GPR155: variants seen among roughly 807,000 people sequenced by gnomAD.
The protein encoded by GPR155 is G protein-coupled receptor 155.
GPR155 carries 65 observed loss-of-function variants against 93.1 expected under a neutral mutation model. The observed-to-expected ratio is 0.70, with a 90% confidence interval of 0.57 to 0.86. The LOEUF (loss-of-function observed/expected upper bound fraction) is 0.86. Ranked by LOEUF, GPR155 falls within the 40% of genes least tolerant of loss-of-function variation. GPR155 has a pLI of 0.00. For synonymous variants in GPR155, 319 were observed against 360.1 expected, an observed-to-expected ratio of 0.89 and a Z score of 1.29; for missense variants, 838 against 1,034.8, an observed-to-expected ratio of 0.81 and a Z score of 2.61.
chr2:174,448,767 GA>G (rs1687231642), intron 11 of GPR155, among the ~76,000 whole-genome samples: 1 of 151,742 alleles, frequency 6.6e-6, no homozygotes, highest in Non-Finnish European at 1.5e-5. Flanking sequence ...TCGATCTCCT[GA>G]CCTCATGATC....
chr2:174,444,079 A>ATT, intron 13 of GPR155, among the ~76,000 whole-genome samples: 1 of 152,304 alleles, frequency 6.6e-6, no homozygotes, highest in South Asian at 2.1e-4. Flanking sequence ...TTAAGTATCT[A>ATT]TTGTTCAAGA....
chr2:174,440,537 G>A (rs6716798), intron 14 of GPR155, among the ~76,000 whole-genome samples: 10,350 of 152,132 alleles, frequency 0.068, 1,140 homozygotes, highest in African/African-American at 0.23. Flanking sequence ...AACAAATGAA[G>A]CTGATAACTA....
chr2:174,469,637 G>A lies in GPR155; in HGVS notation c.1027-570C>T, dbSNP rs1286132579. Among the ~76,000 whole-genome samples, 3 of 152,038 alleles carry A rather than the reference G, an allele frequency of 2.0e-5. No individual in the cohort carries two copies. In the East Asian group the frequency reaches 5.8e-4, roughly 29 times the overall value. Reference sequence around the variant, plus strand: ...GTTATTATGCAGTATTTTGCATCTGGTGCTTGAAATTATCAATGATAAAAT... The same window carrying A: ...GTTATTATGCAGTATTTTGCATCTGATGCTTGAAATTATCAATGATAAAAT... On this transcript the variant is annotated intron_variant, in intron 4 of 15. Coordinates refer to ENST00000392552, the MANE Select transcript of GPR155 (RefSeq NM_152529.7).
intron 13 of GPR155, among the ~76,000 whole-genome samples, chr2:174,444,209 G>A (rs1398590357): frequency 6.6e-6 from 1 of 152,014 alleles, no homozygotes; most frequent in African/African-American, 2.4e-5. Flanking sequence ...CTGAGGTTGG[G>A]AGTTGGAGAC....
chr2:174,446,108 A>G (rs958312454), intron 12 of GPR155, among the ~76,000 whole-genome samples: 1 of 151,922 alleles, frequency 6.6e-6, no homozygotes, highest in Non-Finnish European at 1.5e-5. Flanking sequence ...GGGGTTCAAG[A>G]CCAGCCTGAC....
At chr2:174,442,041 G>A in intron 14 of GPR155, 78 bp downstream of exon 14, 1 of 803,674 alleles carries the variant, frequency 1.2e-6, no homozygotes, top group South Asian at 1.4e-5. Context: ...CACCATGCAT[G>A]GCCCCATATC....
chr2:174,445,892 T>A (rs1687105531), intron 12 of GPR155, among the ~76,000 whole-genome samples: 1 of 148,690 alleles, frequency 6.7e-6, no homozygotes, highest in East Asian at 1.9e-4. Flanking sequence ...GTTTTTTGGT[T>A]TTCTTTTTTT....
chr2:174,432,945 A>C lies in GPR155; in HGVS notation c.*3171T>G, dbSNP rs1035918320. On this transcript the variant is annotated 3_prime_UTR_variant, in exon 16 of 16. Transcript: ENST00000392552. ...CGTCTGGCTAATTTTTTGTATTTTT[A>C]GTAGAGACGGGATTTCACCGCATTA... 1 of 151,832 alleles carries C rather than the reference A, an allele frequency of 6.6e-6. No homozygotes were observed. Among genetic ancestry groups the C allele is most frequent in the African/African-American group, 2.4e-5 (1 of 41,314 alleles). The allele number at this position is 151,832 out of a possible 1,614,324, so 9.4% of individuals were successfully genotyped here. A position where few individuals can be genotyped will look rare whatever the true frequency, so the allele number is the denominator to read the frequency against.
At chr2:174,450,980 G>A (rs1024393272) in intron 11 of GPR155, among the ~76,000 whole-genome samples, 9 of 152,082 alleles carry the variant, frequency 5.9e-5, no homozygotes, top group Non-Finnish European at 1.3e-4. Context: ...GAAAAATCCT[G>A]GAAGTATACC....
At position 174,434,613 on chromosome 2, in the gene GPR155, T is replaced by C. The variant is rs1686721795; in HGVS notation, c.*1503A>G. 1 of 151,746 alleles carries C rather than the reference T, an allele frequency of 6.6e-6. No individual in the cohort carries two copies. The highest frequency in any genetic ancestry group is 6.6e-5 in the Admixed American group (1 of 15,242). The allele number at this position is 151,746 out of a possible 1,614,324, so 9.4% of individuals were successfully genotyped here. A position where few individuals can be genotyped will look rare whatever the true frequency, so the allele number is the denominator to read the frequency against. ...GTGCCTCTAGGTTTTTTTTGCTTGT[T>C]TTTTGTTTTTGAGACAGGGTCTTGC... On this transcript the variant is annotated 3_prime_UTR_variant, in exon 16 of 16. Coordinates refer to ENST00000392552, the MANE Select transcript of GPR155 (RefSeq NM_152529.7).
At position 174,436,306 on chromosome 2, in the gene GPR155, C is replaced by G. The variant is rs1686779669; in HGVS notation, c.2423G>C (p.Arg808Thr). ...DRGEAVIYGDRLVQGGVIQHI... is the reference protein window; with the variant it reads ...DRGEAVIYGDTLVQGGVIQHI... ...TTGGATGACTCCCCCTTGTACCAGC[C>G]TGTCTCCGTATATCACAGCTTCACC... Residue 808 changes from arginine to threonine, a missense_variant, in exon 16 of 16, where the codon AGG becomes ACG. Physicochemically the swap from Arg to Thr is moderately conservative, Grantham distance 71 (BLOSUM62 -1). Transcript: ENST00000392552. 2.5e-6 allele frequency: 4 copies of G among 1,614,166 alleles called. No homozygotes were observed. The highest frequency in any genetic ancestry group is 3.4e-6 in the Non-Finnish European group (4 of 1,180,020).
In GPR155 at chr2:174,473,195, T is replaced by C; in HGVS notation, c.630A>G (p.Gly210=). Residue 210 remains glycine (G), a synonymous_variant, in exon 3 of 16, where the codon GGA becomes GGG. Transcript: ENST00000392552. The part of the protein sequence containing the change: ...SQNKIKIVGL[G]LLRVLQNPIV... ...TTGGGTTCTGTAATACACGCAGGAG[T>C]CCGAGTCCCACAATTTTTATTTTAT... 1 of 1,613,310 alleles carries C rather than the reference T, an allele frequency of 6.2e-7. No homozygotes were observed. The highest frequency in any genetic ancestry group is 8.5e-7 in the Non-Finnish European group (1 of 1,179,584).
chr2:174,446,619 G>A lies in GPR155; in HGVS notation c.2005C>T (p.Leu669=), dbSNP rs1371389661. 1.9e-6 allele frequency: 3 copies of A among 1,613,018 alleles called. No homozygotes were observed. Among genetic ancestry groups the A allele is most frequent in the African/African-American group, 2.7e-5 (2 of 74,840 alleles). Reference sequence around the variant, plus strand: ...CCAGAAAAAACCATTACAGCGAACAGGCCAATGATGAGAAGTAAACACAGC... The same window carrying A: ...CCAGAAAAAACCATTACAGCGAACAAGCCAATGATGAGAAGTAAACACAGC... The part of the protein sequence containing the change: ...VLLCLLLIIG[L]FANLSSCLWW... The change falls in exon 12 of 16, where the codon CTG becomes TTG. Residue 669 remains leucine (L), a synonymous_variant. Coordinates refer to ENST00000392552, the MANE Select transcript of GPR155 (RefSeq NM_152529.7).
At chr2:174,440,679 G>A (rs767216545) in intron 14 of GPR155, among the ~76,000 whole-genome samples, 4 of 152,166 alleles carry the variant, frequency 2.6e-5, no homozygotes, top group Admixed American at 1.3e-4. Context: ...TTTTCATAGC[G>A]CTGGTGGGAT....
chr2:174,473,704 C>T (rs1179920561), intron 2 of GPR155, among the ~76,000 whole-genome samples: 2 of 152,084 alleles, frequency 1.3e-5, no homozygotes, highest in Admixed American at 6.6e-5. Context: ...ACAAACTAAA[C>T]ATTTAAGTAG....
At chr2:174,486,600 G>C (rs1688489242) in intron 1 of GPR155, among the ~76,000 whole-genome samples, 1 of 152,208 alleles carries the variant, frequency 6.6e-6, no homozygotes, top group Non-Finnish European at 1.5e-5. Flanking sequence ...CCCGTGCAGT[G>C]AGGAGCTTCC....
At chr2:174,460,158 T>A in intron 9 of GPR155, 70 bp from the exon 10 acceptor site, 2 of 734,982 alleles carry the variant, frequency 2.7e-6, no homozygotes, top group Non-Finnish European at 3.9e-6. Context: ...GGGCACATTT[T>A]TTTTTTTTTT....
intron 2 of GPR155, among the ~76,000 whole-genome samples, chr2:174,476,764 G>C (rs1688178680): frequency 6.6e-6 from 1 of 152,130 alleles, no homozygotes; most frequent in South Asian, 2.1e-4. Context: ...ATAATTAGTA[G>C]TTCTTTATGC....
At chr2:174,457,324 GAGAA>G (rs1336825684) in intron 10 of GPR155, among the ~76,000 whole-genome samples, 1 of 152,132 alleles carries the variant, frequency 6.6e-6, no homozygotes, top group Non-Finnish European at 1.5e-5. Flanking sequence ...AAGAAGAGAA[GAGAA>G]AGACTTTGTT....
Sources: gnomAD v4.1 joint callset for allele counts (sites outside exome capture counted in the v4.1 genomes callset) on GRCh38, gnomAD v4.1.1 for gene constraint, MANE v1.5 for transcripts, NCBI Gene and HGNC (gene_info 2026-07-23, HGNC 2026-07-21) for gene names.